Variants in IQCM observed in about 807,000 individuals in gnomAD.
The protein encoded by IQCM is IQ domain-containing protein M.
A neutral mutation model predicts 57.6 loss-of-function variants in IQCM; 45 were observed. That is an observed-to-expected ratio of 0.78 (90% CI 0.62 to 1.00). The LOEUF (loss-of-function observed/expected upper bound fraction) is 1.00, where lower values mean the gene tolerates loss of function less well. IQCM is among the 50% of genes least tolerant of loss of function. The probability of loss-of-function intolerance (pLI) is 0.00; values close to 1 mark genes in which losing one functional copy is unlikely to be tolerated. For synonymous variants in IQCM, 148 were observed against 158.9 expected (o/e 0.93, Z 0.51); for missense variants, 468 against 511.6 (o/e 0.91, Z 0.82).
At chr4:149,672,177 G>A (rs374917146) in intron 7 of IQCM, among the ~76,000 whole-genome samples, 13 of 152,196 alleles carry the variant, frequency 8.5e-5, no homozygotes, top group East Asian at 3.9e-4. Context: ...AGAAACCAGA[G>A]CAGAAAGGCT....
chr4:149,355,287 G>C (rs11099730), intron 13 of IQCM, among the ~76,000 whole-genome samples: 151,157 of 152,202 alleles, frequency 0.99, 75,065 homozygotes, highest in Middle Eastern at 1. Flanking sequence ...TACATGTACA[G>C]AACGTGCAGG....
At chr4:149,512,616 A>C (rs984775346) in intron 12 of IQCM, among the ~76,000 whole-genome samples, 2 of 152,188 alleles carry the variant, frequency 1.3e-5, no homozygotes, top group Admixed American at 6.5e-5. Context: ...TAAAACTTAC[A>C]ATTATGAAAT....
intron 12 of IQCM, among the ~76,000 whole-genome samples, chr4:149,439,308 G>T (rs1735675267): frequency 6.6e-6 from 1 of 151,818 alleles, no homozygotes; most frequent in South Asian, 2.1e-4. Flanking sequence ...TTTTCATTCT[G>T]TATTTACTTA....
At chr4:149,641,425 A>G (rs1344652774) in intron 7 of IQCM, among the ~76,000 whole-genome samples, 1 of 152,192 alleles carries the variant, frequency 6.6e-6, no homozygotes, top group Non-Finnish European at 1.5e-5. Context: ...ATGTCCTACA[A>G]ATTAATTGAA....
chr4:149,671,455 GT>G (rs562417465), intron 7 of IQCM, among the ~76,000 whole-genome samples: 10 of 152,112 alleles, frequency 6.6e-5, no homozygotes, highest in East Asian at 3.9e-4. Flanking sequence ...ATTTTGAAGG[GT>G]TTTTTTGTGT....
At chr4:149,372,635 C>T (rs1002877912) in intron 13 of IQCM, among the ~76,000 whole-genome samples, 13 of 152,200 alleles carry the variant, frequency 8.5e-5, no homozygotes, top group South Asian at 2.1e-4. Context: ...ATTTAATTTT[C>T]ATTAAACTGA....
chr4:149,700,251 C>G (rs1392743625), intron 5 of IQCM, among the ~76,000 whole-genome samples: 6 of 152,072 alleles, frequency 3.9e-5, no homozygotes, highest in African/African-American at 1.2e-4. Flanking sequence ...AGATAGCCCA[C>G]ATGGAGCTTT....
intron 10 of IQCM, among the ~76,000 whole-genome samples, chr4:149,558,457 T>C (rs1375734000): frequency 6.6e-6 from 1 of 152,204 alleles, no homozygotes; most frequent in Non-Finnish European, 1.5e-5. Context: ...TACAAGACTT[T>C]GCGAATAGAT....
chr4:149,802,013 T>C (rs927707189), intron 2 of IQCM, among the ~76,000 whole-genome samples: 2 of 151,806 alleles, frequency 1.3e-5, no homozygotes, highest in African/African-American at 4.8e-5. Flanking sequence ...TATTAATATA[T>C]ATATATCTAC....
intron 12 of IQCM, among the ~76,000 whole-genome samples, chr4:149,503,411 C>T (rs1402899908): frequency 1.3e-5 from 2 of 152,124 alleles, no homozygotes; most frequent in East Asian, 3.9e-4. Context: ...CTCTCCTCAT[C>T]ATCCAGATTA....
At chr4:149,738,195 C>T (rs1419907590) in intron 3 of IQCM, among the ~76,000 whole-genome samples, 3 of 152,142 alleles carry the variant, frequency 2.0e-5, no homozygotes, top group African/African-American at 4.8e-5. Flanking sequence ...CCTTGCTGCT[C>T]TTTTCTACAA....
chr4:149,493,018 A>G (rs1486208976), intron 12 of IQCM, among the ~76,000 whole-genome samples: 1 of 151,996 alleles, frequency 6.6e-6, no homozygotes, highest in East Asian at 1.9e-4. Context: ...AACTACCTGA[A>G]CATCAGGTGG....
At chr4:149,444,204 C>T (rs896024494) in intron 12 of IQCM, among the ~76,000 whole-genome samples, 5 of 151,824 alleles carry the variant, frequency 3.3e-5, no homozygotes, top group East Asian at 1.9e-4. Context: ...TTTGGAAAGA[C>T]ATATTTGGTT....
Position 149,733,378 on chromosome 4 carries a change from A to G in IQCM, c.251T>C (p.Leu84Pro). ...CTCCTTGGGAAAGCAAATCCTTCTG[A>G]GTGCGGCCCGATGTTCTTGCACCAC... ...RDVVQEHRAALRRICFPKELS... is the reference protein window; with the variant it reads ...RDVVQEHRAAPRRICFPKELS... The change falls in exon 5 of 14, where the codon CTC (leucine) becomes CCC (proline). Residue 84 changes from leucine (L) to proline (P), a missense_variant. Transcript: ENST00000636793. The G allele has an allele frequency of 4.9e-6, 6 of 1,231,784 alleles. No individual in the cohort carries two copies. The highest frequency in any genetic ancestry group is 6.1e-6 in the Non-Finnish European group (6 of 987,756). The allele number at this position is 1,231,784 out of a possible 1,614,324, so 76.3% of individuals were successfully genotyped here.
intron 12 of IQCM, among the ~76,000 whole-genome samples, chr4:149,477,520 A>T (rs769413578): frequency 1.3e-5 from 2 of 152,164 alleles, no homozygotes; most frequent in Non-Finnish European, 2.9e-5. Flanking sequence ...GGAAGTAAAA[A>T]TCCACATGGT....
At chr4:149,768,758 G>A (rs1220337697) in intron 2 of IQCM, among the ~76,000 whole-genome samples, 4 of 152,042 alleles carry the variant, frequency 2.6e-5, no homozygotes, top group Admixed American at 6.6e-5. Flanking sequence ...TCTGAGACAC[G>A]GCAACTGAAT....
chr4:149,603,363 C>A (rs546636869), intron 8 of IQCM, among the ~76,000 whole-genome samples: 1 of 152,174 alleles, frequency 6.6e-6, no homozygotes, highest in Non-Finnish European at 1.5e-5. Context: ...GATTAGGAAT[C>A]AATCACTGAG....
intron 10 of IQCM, among the ~76,000 whole-genome samples, chr4:149,560,407 A>G (rs1316575651): frequency 6.6e-6 from 1 of 152,178 alleles, no homozygotes; most frequent in African/African-American, 2.4e-5. Context: ...TTTTTAGCCA[A>G]TAGCAATAGA....
chr4:149,420,292 C>T (rs1026486897), intron 13 of IQCM, among the ~76,000 whole-genome samples: 23 of 152,168 alleles, frequency 1.5e-4, no homozygotes, highest in Middle Eastern at 3.4e-3. Flanking sequence ...TACATATACA[C>T]GATAGAATAC....
Sources: gnomAD v4.1 joint callset for allele counts (sites outside exome capture counted in the v4.1 genomes callset) on GRCh38, gnomAD v4.1.1 for gene constraint, MANE v1.5 for transcripts, NCBI Gene and HGNC (gene_info 2026-07-23, HGNC 2026-07-21) for gene names.